GATAD2A: variants seen among roughly 807,000 people sequenced by gnomAD.
The protein encoded by GATAD2A is GATA zinc finger domain containing 2A, also known as transcriptional repressor p66-alpha.
GATAD2A carries 12 observed loss-of-function variants against 68.5 expected under a neutral mutation model. That is an observed-to-expected ratio of 0.18 (90% CI 0.11 to 0.28). The LOEUF is 0.28. Ranked by LOEUF, GATAD2A falls within the 10% of genes least tolerant of loss-of-function variation. GATAD2A has a pLI of 1.00. For synonymous variants in GATAD2A, 410 were observed against 375.3 expected (o/e 1.09, Z -1.07); for missense variants, 755 against 868.5 (o/e 0.87, Z 1.64).
intron 1 of GATAD2A, chr19:19,435,296 T>C: frequency 3.1e-6 from 1 of 323,708 alleles, no homozygotes; most frequent in Non-Finnish European, 6.7e-6. Flanking sequence ...GGATCTTGGC[T>C]CACTGCAGCC....
At chr19:19,447,926 C>T (rs527988362) in intron 1 of GATAD2A, among the ~76,000 whole-genome samples, 1 of 152,358 alleles carries the variant, frequency 6.6e-6, no homozygotes, top group African/African-American at 2.4e-5. Context: ...CTGCCGTTTC[C>T]AGTCTCAGGC....
At chr19:19,448,356 G>A (rs182152854) in intron 1 of GATAD2A, among the ~76,000 whole-genome samples, 6 of 152,350 alleles carry the variant, frequency 3.9e-5, no homozygotes, top group African/African-American at 1.4e-4. Context: ...CAACAGCGGC[G>A]CAGGTGTGGG....
chr19:19,450,259 C>G (rs964600110), intron 1 of GATAD2A, among the ~76,000 whole-genome samples: 1 of 152,188 alleles, frequency 6.6e-6, no homozygotes, highest in Non-Finnish European at 1.5e-5. Context: ...GCAAGGGACC[C>G]TGCCATTCAG....
Position 19,470,162 on chromosome 19 carries a change from T to TC in GATAD2A, c.269+4548_269+4549insC, listed in dbSNP as rs2058191239. On this transcript the variant is annotated intron_variant, in intron 2 of 11. Transcript: ENST00000683918. ...GACTTTATTTTTTTTTTTGTTTTTT[T>TC]TTTTTTGAGACAGAGTCTCACTCTG... Among the ~76,000 whole-genome samples the TC allele has an allele frequency of 2.7e-5, 4 of 149,066 alleles. No homozygotes were observed. The South Asian group carries it at 8.6e-4, about 32-fold the overall frequency.
At chr19:19,482,781 C>G (rs2059146916) in intron 2 of GATAD2A, among the ~76,000 whole-genome samples, 1 of 152,164 alleles carries the variant, frequency 6.6e-6, no homozygotes, top group African/African-American at 2.4e-5. Context: ...GTAGTCATTT[C>G]TAATGCATGT....
intron 1 of GATAD2A, among the ~76,000 whole-genome samples, chr19:19,425,080 A>C (rs1000638693): frequency 6.6e-6 from 1 of 151,562 alleles, no homozygotes; most frequent in African/African-American, 2.4e-5. Context: ...AAAAAAAAAA[A>C]CCCAAACTTG....
chr19:19,483,849 C>T (rs897881555), intron 2 of GATAD2A, among the ~76,000 whole-genome samples: 7 of 148,104 alleles, frequency 4.7e-5, no homozygotes, highest in African/African-American at 1.3e-4. Context: ...AGGATGGTCT[C>T]GATCTCTTGA....
chr19:19,495,997 C>T (rs1211257890), intron 6 of GATAD2A, 55 bp from the exon 7 acceptor site: 39 of 1,591,154 alleles, frequency 2.5e-5, no homozygotes, highest in African/African-American at 6.7e-5. Flanking sequence ...CTTCCGGTCC[C>T]GCTCCATTGT....
chr19:19,399,828 A>C (rs1174412021), intron 1 of GATAD2A, among the ~76,000 whole-genome samples: 2 of 152,198 alleles, frequency 1.3e-5, no homozygotes, highest in Admixed American at 6.5e-5. Context: ...CAGATCTGCC[A>C]TTTAACAAAT....
At chr19:19,397,852 A>AGG (rs2049379033) in intron 1 of GATAD2A, among the ~76,000 whole-genome samples, 1 of 152,136 alleles carries the variant, frequency 6.6e-6, no homozygotes, top group South Asian at 2.1e-4. Flanking sequence ...CACCCAGATA[A>AGG]CTAGGACTAC....
chr19:19,394,965 C>T (rs1394303340), intron 1 of GATAD2A, among the ~76,000 whole-genome samples: 1 of 152,044 alleles, frequency 6.6e-6, no homozygotes, highest in Non-Finnish European at 1.5e-5. Context: ...TTTTCCCTTC[C>T]ACCCAAGTTC....
In GATAD2A at chr19:19,501,956, C is replaced by A. The variant is rs748907602; in HGVS notation, c.1504-13C>A. ...GACCGCACTGACTTTGCTTTCAACC[C>A]CCGTTTGTGTAGGTCATAAAACCCC... On this transcript the variant is annotated splice_polypyrimidine_tract_variant and intron_variant, in intron 9 of 11. Transcript: ENST00000683918. 3.1e-6 allele frequency: 5 copies of A among 1,612,440 alleles called. No individual in the cohort carries two copies. Among genetic ancestry groups the A allele is most frequent in the Non-Finnish European group, 4.2e-6 (5 of 1,178,490 alleles).
intron 1 of GATAD2A, among the ~76,000 whole-genome samples, chr19:19,428,644 G>A (rs937133855): frequency 1.7e-4 from 26 of 152,234 alleles, no homozygotes; most frequent in African/African-American, 6.0e-4. Flanking sequence ...AGCGAGAGGG[G>A]TGTGGTGCTG....
intron 1 of GATAD2A, chr19:19,458,574 C>T (rs1219720003): frequency 6.6e-6 from 1 of 152,198 alleles, no homozygotes; most frequent in Non-Finnish European, 1.5e-5. Context: ...AGAGATGAAG[C>T]TCCTGAGTGG....
chr19:19,418,349 G>A (rs1467057873), intron 1 of GATAD2A, among the ~76,000 whole-genome samples: 1 of 152,218 alleles, frequency 6.6e-6, no homozygotes, highest in Non-Finnish European at 1.5e-5. Context: ...AGTGCTTTGT[G>A]TTAGGTGAAA....
chr19:19,409,622 A>G (rs1263613119), intron 1 of GATAD2A, among the ~76,000 whole-genome samples: 1 of 152,176 alleles, frequency 6.6e-6, no homozygotes, highest in South Asian at 2.1e-4. Context: ...GTGCAAAGGT[A>G]TGTCTTTGAA....
chr19:19,429,466 G>A (rs933772837), intron 1 of GATAD2A, among the ~76,000 whole-genome samples: 1 of 152,086 alleles, frequency 6.6e-6, no homozygotes, highest in Non-Finnish European at 1.5e-5. Flanking sequence ...GCGCACTTGC[G>A]GCTGAAGTGG....
chr19:19,483,329 G>C (rs1381679618), intron 2 of GATAD2A, among the ~76,000 whole-genome samples: 3 of 152,210 alleles, frequency 2.0e-5, no homozygotes, highest in Non-Finnish European at 4.4e-5. Flanking sequence ...CAGGAAGAAT[G>C]ATGGCTGAGT....
At chr19:19,419,510 C>CTTT (rs57019208) in intron 1 of GATAD2A, among the ~76,000 whole-genome samples, 21 of 110,648 alleles carry the variant, frequency 1.9e-4, no homozygotes, top group Non-Finnish European at 2.4e-4. Context: ...ATCTCTACAT[C>CTTT]TTTTTTTTTT....
Sources: allele counts gnomAD v4.1 joint callset (sites outside exome capture counted in the v4.1 genomes callset), GRCh38; gene constraint gnomAD v4.1.1; transcripts MANE v1.5; gene names NCBI Gene and HGNC (gene_info 2026-07-23, HGNC 2026-07-21).